MBD6: variants seen among roughly 807,000 people sequenced by gnomAD.
The protein encoded by MBD6 is methyl-CpG-binding domain protein 6.
In MBD6, 22 loss-of-function variants were observed where a neutral mutation model predicts 66.8. That is an observed-to-expected ratio of 0.33 (90% confidence interval 0.24 to 0.47). The LOEUF is 0.47. MBD6 is among the 20% of genes least tolerant of loss of function. MBD6 has a pLI of 1.00. For missense variants in MBD6, 1,322 were observed against 1,286.9 expected (o/e 1.03, Z -0.42); for synonymous variants, 540 against 534.6 (o/e 1.01, Z -0.14).
intron 8 of MBD6, 47 bp from the exon 9 acceptor site, chr12:57,527,801 T>C: frequency 3.7e-6 from 6 of 1,600,530 alleles, no homozygotes; most frequent in Non-Finnish European, 5.1e-6. Flanking sequence ...CTGCTCAGCC[T>C]AATTGGTTTG....
rs778210079 is a variant in MBD6, at chr12:57,524,976, C to T, written c.240C>T (p.Ala80=). Residue 80 remains alanine, a synonymous_variant, in exon 5 of 13, where the codon GCC becomes GCT. Transcript: ENST00000355673. The part of the protein sequence containing the change: ...VPKVFNFDPL[A]PVTPGGAGVG... ...AGGTTTTCAACTTTGACCCTTTGGC[C>T]CCGGTGACCCCGGGTGGGGCTGGGG... 17 of 1,603,516 alleles carry T rather than the reference C, an allele frequency of 1.1e-5. No homozygotes were observed. The highest frequency in any genetic ancestry group is 1.7e-4 in the Middle Eastern group (1 of 6,034).
At chr12:57,528,908 T>C in intron 11 of MBD6, 38 bp from the exon 12 acceptor site, 1 of 1,613,984 alleles carries the variant, frequency 6.2e-7, no homozygotes. Context: ...ACCTGGTGCT[T>C]GGGAGCTGTT....
Position 57,527,948 on chromosome 12 carries a change from T to C in MBD6, c.2337T>C (p.Pro779=). The change falls in exon 9 of 13, where the codon CCT becomes CCC. Residue 779 remains proline, a synonymous_variant. Transcript: ENST00000355673. ...GCCAGTTGGGGCTGCAGCTCCTCCC[T>C]GGGGGGGGAGCTCCTCCACCCCTCT... ...LSGQLGLQLL[P]GGGAPPPLSE... is the part of the protein sequence containing the mutation. The C allele has an allele frequency of 6.3e-7, 1 of 1,592,530 alleles. No homozygotes were observed. The highest frequency in any genetic ancestry group is 8.5e-7 in the Non-Finnish European group (1 of 1,170,612).
intron 1 of MBD6, chr12:57,523,308 G>A (rs1233569952): frequency 6.6e-6 from 1 of 152,124 alleles, no homozygotes; most frequent in African/African-American, 2.4e-5. Context: ...TGTTGTGAGA[G>A]GGAAAGTTTG....
In MBD6 at chr12:57,527,523, C is replaced by T. The variant is rs1420161799; in HGVS notation, c.2099C>T (p.Ala700Val). The part of the protein sequence containing the change: ...GTPPQPCVLS[A>V]PQPGPPTSSV... ...TTTTCTTAGCCCTGTGTCCTGAGTGCCCCCCAACCTGGACCACCTACCTCC... is the reference window on the plus strand; with the variant it reads ...TTTTCTTAGCCCTGTGTCCTGAGTGTCCCCCAACCTGGACCACCTACCTCC... Residue 700 changes from alanine (A) to valine (V), a missense_variant, in exon 8 of 13, where the codon GCC becomes GTC. Transcript: ENST00000355673. The T allele has an allele frequency of 9.9e-6, 16 of 1,614,030 alleles. No individual in the cohort carries two copies. Among genetic ancestry groups the T allele is most frequent in the African/African-American group, 1.3e-5 (1 of 75,012 alleles).
rs534271749 is a variant in MBD6, at chr12:57,527,950, G to A, written c.2339G>A (p.Gly780Glu). ...SGQLGLQLLP[G>E]GGAPPPLSEA... ...CAGTTGGGGCTGCAGCTCCTCCCTG[G>A]GGGGGGAGCTCCTCCACCCCTCTCA... Residue 780 changes from glycine to glutamate, a missense_variant, in exon 9 of 13, where the codon GGG becomes GAG. Coordinates refer to ENST00000355673, the MANE Select transcript of MBD6 (RefSeq NM_052897.4). 12 of 1,597,286 alleles carry A rather than the reference G, an allele frequency of 7.5e-6. No individual in the cohort carries two copies. The South Asian group carries it at 1.1e-4, about 15-fold the overall frequency.
In MBD6 at chr12:57,529,917, C is replaced by G. The variant is rs887445514; in HGVS notation, c.*683C>G. ...TACACACTACACTGCCCCTTCTCCC[C>G]CCATCAAAACGCTCAGAGACGTTGT... On this transcript the variant is annotated 3_prime_UTR_variant, in exon 13 of 13. Coordinates refer to ENST00000355673, the MANE Select transcript of MBD6 (RefSeq NM_052897.4). The G allele has an allele frequency of 6.5e-6, 1 of 152,874 alleles. No individual in the cohort carries two copies. The highest frequency in any genetic ancestry group is 1.5e-5 in the Non-Finnish European group (1 of 68,204). 9.5% of individuals were successfully genotyped at this position (152,874 alleles called of 1,614,324 possible). A position where few individuals can be genotyped will look rare whatever the true frequency, so the allele number is the denominator to read the frequency against.
At chr12:57,528,065 C>T (rs750611610) in intron 9 of MBD6, 48 bp downstream of exon 9, 8 of 1,529,284 alleles carry the variant, frequency 5.2e-6, no homozygotes, top group Non-Finnish European at 7.0e-6. Flanking sequence ...TTTTCTCAAA[C>T]TGGAAATTTA....
Position 57,525,426 on chromosome 12 carries a change from C to T in MBD6, c.458C>T (p.Pro153Leu), listed in dbSNP as rs764110945. Residue 153 changes from proline to leucine, a missense_variant, in exon 6 of 13, where the codon CCT becomes CTT. Transcript: ENST00000355673. ...PSARPPCRVPPTTPLNGGPGS... is the reference protein window; with the variant it reads ...PSARPPCRVPLTTPLNGGPGS... ...GCCCGCCCTCCCTGTCGAGTTCCTC[C>T]TACAACTCCACTTAATGGGGGTCCT... 1 of 1,541,324 alleles carries T rather than the reference C, an allele frequency of 6.5e-7. No homozygotes were observed. Among genetic ancestry groups the T allele is most frequent in the South Asian group, 1.3e-5 (1 of 77,142 alleles).
Position 57,526,960 on chromosome 12 carries a change from A to C in MBD6, c.1815A>C (p.Pro605=). The change falls in exon 7 of 13, where the codon CCA becomes CCC. Residue 605 remains proline, a synonymous_variant. Transcript: ENST00000355673. The stretch of plus-strand genomic sequence containing the variant: ...TTTTGGTGGCTTCCTTGCTTCCTCC[A>C]CCACCCTCAGACCTTCTTCCACCTC... ...PSLLVASLLP[P]PPSDLLPPPS... is the part of the protein sequence containing the mutation. 1 of 1,610,994 alleles carries C rather than the reference A, an allele frequency of 6.2e-7. No individual in the cohort carries two copies. Among genetic ancestry groups the C allele is most frequent in the Non-Finnish European group, 8.5e-7 (1 of 1,179,450 alleles).
At chr12:57,521,652 T>C (rs953350437), upstream of MBD6, 3 of 152,272 alleles carry the variant, frequency 2.0e-5, no homozygotes, top group Non-Finnish European at 4.4e-5. Flanking sequence ...TCATGTATTT[T>C]GCCCAGTGGA....
Position 57,525,429 on chromosome 12 carries a change from C to T in MBD6, c.461C>T (p.Thr154Ile). Reference sequence around the variant, plus strand: ...CGCCCTCCCTGTCGAGTTCCTCCTACAACTCCACTTAATGGGGGTCCTGGC... The same window carrying T: ...CGCCCTCCCTGTCGAGTTCCTCCTATAACTCCACTTAATGGGGGTCCTGGC... The part of the protein sequence containing the change: ...SARPPCRVPP[T>I]TPLNGGPGSL... The change falls in exon 6 of 13, where the codon ACA (threonine) becomes ATA (isoleucine). Residue 154 changes from threonine to isoleucine, a missense_variant. Thr to Ile is a moderately conservative substitution (Grantham distance 89). Coordinates refer to ENST00000355673, the MANE Select transcript of MBD6 (RefSeq NM_052897.4). 1 of 1,540,198 alleles carries T rather than the reference C, an allele frequency of 6.5e-7. No homozygotes were observed. Among genetic ancestry groups the T allele is most frequent in the Non-Finnish European group, 8.7e-7 (1 of 1,149,376 alleles).
In MBD6 at chr12:57,525,860, C is replaced by T; in HGVS notation, c.892C>T (p.Pro298Ser). 1 of 1,613,516 alleles carries T rather than the reference C, an allele frequency of 6.2e-7. No homozygotes were observed. Among genetic ancestry groups the T allele is most frequent in the Non-Finnish European group, 8.5e-7 (1 of 1,179,820 alleles). The part of the protein sequence containing the change: ...PPVSSATMHL[P>S]LVLGPLGGAP... Reference sequence around the variant, plus strand: ...AGTGTCTTCAGCCACTATGCACCTGCCCCTGGTCCTGGGGCCCCTGGGAGG... The same window carrying T: ...AGTGTCTTCAGCCACTATGCACCTGTCCCTGGTCCTGGGGCCCCTGGGAGG... Residue 298 changes from proline to serine, a missense_variant, in exon 6 of 13, where the codon CCC (proline) becomes TCC (serine). Coordinates refer to ENST00000355673, the MANE Select transcript of MBD6 (RefSeq NM_052897.4).
At chr12:57,527,290 A>G in intron 7 of MBD6, 63 bp downstream of exon 7, 1 of 1,200,182 alleles carries the variant, frequency 8.3e-7, no homozygotes, top group Non-Finnish European at 1.1e-6. Flanking sequence ...GGAGCTGGGA[A>G]TCAAAAGCTT....
upstream of MBD6, chr12:57,522,059 A>G (rs1467803134): frequency 6.6e-6 from 1 of 152,166 alleles, no homozygotes; most frequent in East Asian, 1.9e-4. Flanking sequence ...CCTTGAAAAC[A>G]GAGGCCATGT....
intron 3 of MBD6, 78 bp downstream of exon 3, chr12:57,524,494 C>T (rs1878699712): frequency 2.3e-6 from 3 of 1,326,998 alleles, no homozygotes; most frequent in African/African-American, 2.9e-5. Context: ...TCTCTCAGCT[C>T]AGCTCTCTGG....
intron 3 of MBD6, 72 bp from the exon 4 acceptor site, chr12:57,524,648 C>T: frequency 2.2e-6 from 3 of 1,366,464 alleles, no homozygotes; most frequent in Non-Finnish European, 2.1e-6. Context: ...GTAACTTAAG[C>T]ACTGTGCTTT....
At chr12:57,524,446 G>A in intron 3 of MBD6, 30 bp downstream of exon 3, 2 of 1,534,646 alleles carry the variant, frequency 1.3e-6, no homozygotes, top group African/African-American at 1.4e-5. Flanking sequence ...CCCAAGCTCT[G>A]CCACTCCAGT....
At chr12:57,530,548 C>T (rs1026835337), downstream of MBD6, 6 of 720,412 alleles carry the variant, frequency 8.3e-6, no homozygotes, top group Non-Finnish European at 1.2e-5. Flanking sequence ...GGTATAAACC[C>T]CACATGCAAG....
Sources: allele counts gnomAD v4.1 joint callset, GRCh38; gene constraint gnomAD v4.1.1; transcripts MANE v1.5; gene names NCBI Gene and HGNC (gene_info 2026-07-23, HGNC 2026-07-21).